PRKG2: variants seen among roughly 807,000 people sequenced by gnomAD.
The protein encoded by PRKG2 is protein kinase cGMP-dependent 2.
Under a neutral mutation model 97.2 loss-of-function variants are expected in PRKG2, and 33 were observed. The observed-to-expected ratio is 0.34, with a 90% CI of 0.26 to 0.45. The LOEUF is 0.45. PRKG2 is among the 20% of genes least tolerant of loss of function. The probability of loss-of-function intolerance (pLI) is 1.00; values close to 1 mark genes in which losing one functional copy is unlikely to be tolerated. For synonymous variants in PRKG2, 330 were observed against 321.8 expected (o/e 1.03, Z -0.27); for missense variants, 638 against 900.0 (o/e 0.71, Z 3.73).
chr4:81,152,014 T>G lies in PRKG2; in HGVS notation c.1031A>C (p.Gln344Pro). 6.2e-7 allele frequency: 1 copy of G among 1,613,456 alleles called. No homozygotes were observed. Among genetic ancestry groups the G allele is most frequent in the Non-Finnish European group, 8.5e-7 (1 of 1,179,614 alleles). The change falls in exon 8 of 19, where the codon CAG becomes CCG. Residue 344 changes from glutamine (Q) to proline (P), a missense_variant. Around this residue, in one of 3 missense-constraint regions of PRKG2, gnomAD observed 332 missense variants for 421.7 expected, o/e 0.79. Transcript: ENST00000264399. ...TCCTTTCTGCAGTGTTTTTATCAGC[T>G]GTGGTTGATCATGGCCTTCTGTGCT... ...TQSTEGHDQP[Q>P]LIKTLQKGEY... is the part of the protein sequence containing the mutation.
chr4:81,177,639 G>A (rs1170092888), intron 2 of PRKG2, among the ~76,000 whole-genome samples: 1 of 152,128 alleles, frequency 6.6e-6, no homozygotes, highest in Non-Finnish European at 1.5e-5. Flanking sequence ...GGCGGAAGTT[G>A]TAGTGAGCCG....
chr4:81,144,368 T>C (rs759274536), intron 9 of PRKG2, 38 bp from the exon 10 acceptor site: 7 of 1,519,840 alleles, frequency 4.6e-6, no homozygotes, highest in Admixed American at 1.7e-5. Flanking sequence ...TCCGTGCTGA[T>C]AGTTACCAAG....
intron 7 of PRKG2, among the ~76,000 whole-genome samples, chr4:81,152,537 G>A (rs1021747089): frequency 6.6e-5 from 10 of 152,102 alleles, no homozygotes; most frequent in African/African-American, 2.4e-4. Context: ...GATTGAAGAA[G>A]GGTCTACAAC....
chr4:81,090,500 A>G (rs1245807420), intron 18 of PRKG2, among the ~76,000 whole-genome samples: 1 of 152,198 alleles, frequency 6.6e-6, no homozygotes, highest in African/African-American at 2.4e-5. Context: ...ATTGATCCAT[A>G]TAAAGTATTC....
chr4:81,154,973 G>A (rs529305911), intron 6 of PRKG2, among the ~76,000 whole-genome samples: 53 of 152,098 alleles, frequency 3.5e-4, no homozygotes, highest in African/African-American at 1.2e-3. Context: ...AGGAGATCGA[G>A]ACCATCCCGG....
intron 1 of PRKG2, among the ~76,000 whole-genome samples, chr4:81,208,645 C>T (rs1005474317): frequency 3.3e-5 from 5 of 151,966 alleles, no homozygotes; most frequent in African/African-American, 1.2e-4. Flanking sequence ...AAACTGGTCT[C>T]GAAATCCTGG....
intron 2 of PRKG2, among the ~76,000 whole-genome samples, chr4:81,203,883 T>C (rs1223938061): frequency 1.3e-5 from 2 of 152,190 alleles, no homozygotes; most frequent in Non-Finnish European, 2.9e-5. Flanking sequence ...CTGTTAAAGG[T>C]CACTTCCTCA....
chr4:81,110,305 C>A (rs1446872274), intron 15 of PRKG2, 143 bp downstream of exon 15: 4 of 853,952 alleles, frequency 4.7e-6, no homozygotes, highest in Admixed American at 3.3e-5. Flanking sequence ...GTATGTGAAA[C>A]AATGTCATGA....
chr4:81,180,759 C>T (rs1751334687), intron 2 of PRKG2, among the ~76,000 whole-genome samples: 1 of 151,378 alleles, frequency 6.6e-6, no homozygotes, highest in South Asian at 2.1e-4. Flanking sequence ...GATTATTGAA[C>T]TTTATTGAAT....
chr4:81,174,559 T>A (rs1032071822), intron 3 of PRKG2, among the ~76,000 whole-genome samples: 1 of 152,008 alleles, frequency 6.6e-6, no homozygotes. Flanking sequence ...GATCTCTCTA[T>A]CAACTGCTCA....
chr4:81,149,544 G>A (rs1260402864), intron 8 of PRKG2, among the ~76,000 whole-genome samples: 1 of 151,868 alleles, frequency 6.6e-6, no homozygotes, highest in African/African-American at 2.4e-5. Context: ...TTTTTCTTAG[G>A]TGTATATAAT....
chr4:81,096,794 A>G (rs796992843), intron 17 of PRKG2, among the ~76,000 whole-genome samples: 4 of 152,280 alleles, frequency 2.6e-5, no homozygotes, highest in African/African-American at 9.6e-5. Context: ...TTCAAATTCT[A>G]GTTCTATTGA....
chr4:81,134,099 G>A (rs556529428), intron 14 of PRKG2, among the ~76,000 whole-genome samples: 8 of 152,070 alleles, frequency 5.3e-5, no homozygotes, highest in South Asian at 4.1e-4. Flanking sequence ...GATTAAAAGT[G>A]TTTCTTGGAA....
chr4:81,112,030 C>T (rs1744042931), intron 14 of PRKG2, among the ~76,000 whole-genome samples: 1 of 152,068 alleles, frequency 6.6e-6, no homozygotes, highest in Non-Finnish European at 1.5e-5. Flanking sequence ...AAGTATGAGT[C>T]ATTGAACTAT....
upstream of PRKG2, among the ~76,000 whole-genome samples, chr4:81,215,985 C>T (rs1028922718): frequency 6.6e-6 from 1 of 151,980 alleles, no homozygotes; most frequent in Non-Finnish European, 1.5e-5. Flanking sequence ...CTCCATGTGG[C>T]TTTTTCCCTT....
intron 6 of PRKG2, among the ~76,000 whole-genome samples, chr4:81,160,625 G>GTGC (rs1309450397): frequency 2.0e-5 from 3 of 152,112 alleles, no homozygotes; most frequent in African/African-American, 7.2e-5. Context: ...ACAGTAGGTA[G>GTGC]TGCTGTCATA....
intron 2 of PRKG2, among the ~76,000 whole-genome samples, chr4:81,197,284 CA>C (rs1228864502): frequency 6.6e-6 from 1 of 152,054 alleles, no homozygotes; most frequent in Admixed American, 6.6e-5. Context: ...AAAAAAGGGT[CA>C]AAAGGAGCCA....
At chr4:81,107,337 C>T (rs1171234806) in intron 15 of PRKG2, among the ~76,000 whole-genome samples, 1 of 151,942 alleles carries the variant, frequency 6.6e-6, no homozygotes, top group Non-Finnish European at 1.5e-5. Context: ...TTGATGGTAT[C>T]ATCAAGAGAG....
chr4:81,189,487 C>T (rs1398043842), intron 2 of PRKG2, among the ~76,000 whole-genome samples: 1 of 144,730 alleles, frequency 6.9e-6, no homozygotes, highest in Non-Finnish European at 1.5e-5. Flanking sequence ...TGGAAATCAT[C>T]ATTCTCAGTA....
Sources: allele counts gnomAD v4.1 joint callset (sites outside exome capture counted in the v4.1 genomes callset), GRCh38; gene constraint gnomAD v4.1.1; regional missense constraint gnomAD v4.1.1; transcripts MANE v1.5; gene names NCBI Gene and HGNC (gene_info 2026-07-23, HGNC 2026-07-21).